Variants in ADAMTS3 observed in about 807,000 individuals in gnomAD.
The protein encoded by ADAMTS3 is A disintegrin and metalloproteinase with thrombospondin motifs 3.
A neutral mutation model predicts 129.0 loss-of-function variants in ADAMTS3; 73 were observed. The ratio of observed to expected loss-of-function variants is 0.57; its 90% CI spans 0.47 to 0.69. The LOEUF (loss-of-function observed/expected upper bound fraction) is 0.69. Among genes scored for constraint, ADAMTS3 ranks in the 30% least tolerant of loss-of-function variants. The pLI is 0.00. For synonymous variants in ADAMTS3, 477 were observed against 510.8 expected (o/e 0.93, Z 0.89); for missense variants, 1,457 against 1,514.5 (o/e 0.96, Z 0.63).
At chr4:72,475,454 A>G (rs926484898) in intron 3 of ADAMTS3, among the ~76,000 whole-genome samples, 5 of 152,036 alleles carry the variant, frequency 3.3e-5, no homozygotes, top group Non-Finnish European at 7.4e-5. Context: ...ATACAGGAAG[A>G]AGACACAGCA....
chr4:72,520,530 C>G (rs546623920), intron 3 of ADAMTS3, among the ~76,000 whole-genome samples: 1 of 152,226 alleles, frequency 6.6e-6, no homozygotes, highest in Non-Finnish European at 1.5e-5. Context: ...TTTACCTAAG[C>G]GAGCCTGGGC....
At chr4:72,288,932 ACAC>A (rs1718587199) in intron 20 of ADAMTS3, 64 bp from the exon 21 acceptor site, 1 of 677,688 alleles carries the variant, frequency 1.5e-6, no homozygotes. Flanking sequence ...ATACACACAC[ACAC>A]ACACACACAC....
intron 3 of ADAMTS3, among the ~76,000 whole-genome samples, chr4:72,520,402 G>A (rs1254751329): frequency 1.3e-5 from 2 of 152,178 alleles, no homozygotes; most frequent in Admixed American, 6.5e-5. Context: ...GTCTGCAGAG[G>A]TTACTGCTGT....
At chr4:72,284,406 CT>C (rs1718447705) in intron 21 of ADAMTS3, among the ~76,000 whole-genome samples, 1 of 148,884 alleles carries the variant, frequency 6.7e-6, no homozygotes, top group East Asian at 2.0e-4. Flanking sequence ...GATTGTGCCA[CT>C]GCACTCCAGC....
rs372664222 is a variant in ADAMTS3 at position 72,309,438 on chromosome 4, C to T, written c.2138G>A (p.Arg713Gln). 4 of 1,612,112 alleles carry T rather than the reference C, an allele frequency of 2.5e-6. No homozygotes were observed. The highest frequency in any genetic ancestry group is 2.7e-5 in the African/African-American group (2 of 74,912). The change falls in exon 15 of 22, where the codon CGA (arginine) becomes CAA (glutamine). Residue 713 changes from arginine (R) to glutamine (Q), a missense_variant. By Grantham distance (43) the Arg-to-Gln change is conservative. Transcript: ENST00000286657. Reference sequence around the variant, plus strand: ...TCTGGTAAATGTCCCCTTCACGGTTCGGCAGTGGGAATTATCTCCTCCACA... The same window carrying T: ...TCTGGTAAATGTCCCCTTCACGGTTTGGCAGTGGGAATTATCTCCTCCACA... ...GVCGGDNSHC[R>Q]TVKGTFTRTP...
At chr4:72,440,003 T>C (rs1718066705) in intron 3 of ADAMTS3, among the ~76,000 whole-genome samples, 1 of 151,742 alleles carries the variant, frequency 6.6e-6, no homozygotes, top group Non-Finnish European at 1.5e-5. Flanking sequence ...ATGCAAAATT[T>C]CAAAATATAT....
At chr4:72,301,140 G>C (rs1201928682) in intron 17 of ADAMTS3, among the ~76,000 whole-genome samples, 1 of 152,104 alleles carries the variant, frequency 6.6e-6, no homozygotes, top group Non-Finnish European at 1.5e-5. Context: ...TTAACCCCAA[G>C]TGATACATAT....
chr4:72,514,871 C>T (rs2062065), intron 3 of ADAMTS3, among the ~76,000 whole-genome samples: 44,055 of 151,552 alleles, frequency 0.29, 6,637 homozygotes, highest in Middle Eastern at 0.35. Flanking sequence ...TTTTAGGGTA[C>T]ATGTGCACAA....
intron 3 of ADAMTS3, among the ~76,000 whole-genome samples, chr4:72,448,145 G>A (rs1432206960): frequency 1.3e-5 from 2 of 151,648 alleles, no homozygotes; most frequent in African/African-American, 2.4e-5. Flanking sequence ...GGCTCAGAGA[G>A]GGGCCCCAAC....
intron 4 of ADAMTS3, among the ~76,000 whole-genome samples, chr4:72,353,943 C>T (rs990295124): frequency 6.6e-6 from 1 of 151,882 alleles, no homozygotes; most frequent in Non-Finnish European, 1.5e-5. Context: ...TCTCCTACAT[C>T]CCTCAGGAAC....
At position 72,290,842 on chromosome 4, in the gene ADAMTS3, T is replaced by C. The variant is rs751054497; in HGVS notation, c.2931+13A>G. 14 of 1,612,980 alleles carry C rather than the reference T, an allele frequency of 8.7e-6. No homozygotes were observed. The East Asian group carries it at 2.9e-4, about 33-fold the overall frequency. ...ACACTTTACTTATGCATGCACGGAA[T>C]TCACACACCTACCTCACTCCAGGGT... On this transcript the variant is annotated intron_variant, in intron 20 of 21. Coordinates refer to ENST00000286657, the MANE Select transcript of ADAMTS3 (RefSeq NM_014243.3).
intron 4 of ADAMTS3, among the ~76,000 whole-genome samples, chr4:72,382,265 G>T (rs1721312210): frequency 6.6e-6 from 1 of 150,420 alleles, no homozygotes; most frequent in Non-Finnish European, 1.5e-5. Flanking sequence ...CTACATAGTA[G>T]TCATGGATAT....
rs750241294 is a variant in ADAMTS3, at chr4:72,313,725, G to A, written c.1697C>T (p.Thr566Ile). 34 of 1,613,640 alleles carry A rather than the reference G, an allele frequency of 2.1e-5. No individual in the cohort carries two copies. Among genetic ancestry groups the A allele is most frequent in the Non-Finnish European group, 2.9e-5 (34 of 1,179,878 alleles). Residue 566 changes from threonine (T) to isoleucine (I), a missense_variant, in exon 12 of 22, where the codon ACA (threonine) becomes ATA (isoleucine). Thr to Ile is a moderately conservative substitution (Grantham distance 89). Coordinates refer to ENST00000286657, the MANE Select transcript of ADAMTS3 (RefSeq NM_014243.3). ...TCTGAAACGAACACCAGTTCCACAT[G>A]TCCGAGAACAGGAGCCAAATTTAGT... ...SWTKFGSCSR[T>I]CGTGVRFRTR...
chr4:72,420,166 C>T (rs953932269), intron 3 of ADAMTS3, among the ~76,000 whole-genome samples: 1 of 152,060 alleles, frequency 6.6e-6, no homozygotes, highest in East Asian at 1.9e-4. Flanking sequence ...AAGTTCCTAC[C>T]GAGTCCACCT....
At chr4:72,487,034 C>G (rs1443886634) in intron 3 of ADAMTS3, among the ~76,000 whole-genome samples, 1 of 152,006 alleles carries the variant, frequency 6.6e-6, no homozygotes, top group Non-Finnish European at 1.5e-5. Context: ...TTTTACTTTA[C>G]AGAAGAGAAG....
intron 17 of ADAMTS3, among the ~76,000 whole-genome samples, chr4:72,302,009 T>C (rs1425105674): frequency 6.6e-6 from 1 of 151,982 alleles, no homozygotes; most frequent in Non-Finnish European, 1.5e-5. Context: ...GGGCTGAGCC[T>C]GGCACCATGA....
At chr4:72,519,393 G>A (rs1369146341) in intron 3 of ADAMTS3, among the ~76,000 whole-genome samples, 5 of 152,084 alleles carry the variant, frequency 3.3e-5, no homozygotes, top group African/African-American at 7.2e-5. Context: ...CTGCCTTGCT[G>A]GATTGGGGAA....
In ADAMTS3 at chr4:72,412,960, C is replaced by T. The variant is rs532485819; in HGVS notation, c.661+1855G>A. Among the ~76,000 whole-genome samples, 11 of 152,026 alleles carry T rather than the reference C, an allele frequency of 7.2e-5. No homozygotes were observed. In the South Asian group the frequency reaches 1.7e-3, roughly 23 times the overall value. On this transcript the variant is annotated intron_variant, in intron 4 of 21. Transcript: ENST00000286657. ...TTTAAATAATTTTCTAAAGCAATGT[C>T]CCAAATTTCTGTAATTCCATCCAAT... is the stretch of plus-strand genomic sequence containing the variant.
chr4:72,514,672 A>G (rs557502346), intron 3 of ADAMTS3, among the ~76,000 whole-genome samples: 1 of 152,214 alleles, frequency 6.6e-6, no homozygotes, highest in East Asian at 1.9e-4. Flanking sequence ...AGTAAGCCCC[A>G]TGTTTAAGTA....
Sources: gnomAD v4.1 joint callset for allele counts (sites outside exome capture counted in the v4.1 genomes callset) on GRCh38, gnomAD v4.1.1 for gene constraint, MANE v1.5 for transcripts, NCBI Gene and HGNC (gene_info 2026-07-23, HGNC 2026-07-21) for gene names.